Variants in ACTR3C observed in about 807,000 individuals in gnomAD.
ACTR3C encodes the protein actin-related protein 3C.
ACTR3C carries 18 observed loss-of-function variants against 26.3 expected under a neutral mutation model. The ratio of observed to expected loss-of-function variants is 0.68; its 90% CI spans 0.47 to 1.01. The LOEUF is 1.01. ACTR3C is among the 50% of genes least tolerant of loss of function. The pLI, the probability that ACTR3C is intolerant of heterozygous loss-of-function variation, is 0.00. For synonymous variants in ACTR3C, 55 were observed against 94.5 expected (o/e 0.58, Z 2.42); for missense variants, 184 against 250.7 (o/e 0.73, Z 1.80).
the ACTR3C span, among the ~76,000 whole-genome samples, chr7:150,100,723 G>C: frequency 1.5e-5 from 2 of 133,260 alleles, no homozygotes; most frequent in Admixed American, 7.7e-5. Context: ...CTTTCTTTGA[G>C]ATGGGGGCCT....
At chr7:149,918,512 G>T in the ACTR3C span, among the ~76,000 whole-genome samples, 2 of 152,240 alleles carry the variant, frequency 1.3e-5, no homozygotes, top group African/African-American at 2.4e-5. Flanking sequence ...CCAACAGGGA[G>T]AAACCCCATC....
the ACTR3C span, among the ~76,000 whole-genome samples, chr7:150,049,203 C>A: frequency 6.6e-6 from 1 of 152,102 alleles, no homozygotes; most frequent in Non-Finnish European, 1.5e-5. Context: ...GGCCTGGCTT[C>A]TCTTCCCCTC....
At chr7:149,982,890 A>C in the ACTR3C span, among the ~76,000 whole-genome samples, 29 of 152,208 alleles carry the variant, frequency 1.9e-4, no homozygotes, top group African/African-American at 6.8e-4. Context: ...CTCTTGCCTA[A>C]TTGCCCTGGC....
At chr7:149,996,200 G>A in the ACTR3C span, among the ~76,000 whole-genome samples, 52 of 152,122 alleles carry the variant, frequency 3.4e-4, no homozygotes, top group African/African-American at 1.0e-3. Flanking sequence ...GTCTTGCCCC[G>A]AGTGTGGCTC....
chr7:150,044,359 T>C, the ACTR3C span, among the ~76,000 whole-genome samples: 32 of 152,296 alleles, frequency 2.1e-4, no homozygotes, highest in African/African-American at 6.0e-4. Context: ...AGAAGGGCTA[T>C]TGATTCCTCA....
chr7:150,012,232 A>T, the ACTR3C span, among the ~76,000 whole-genome samples: 2 of 151,314 alleles, frequency 1.3e-5, no homozygotes, highest in African/African-American at 4.9e-5. Flanking sequence ...TCCCTTTCTT[A>T]CTCTAGGGAT....
At chr7:150,012,369 C>CA in the ACTR3C span, among the ~76,000 whole-genome samples, 3 of 147,392 alleles carry the variant, frequency 2.0e-5, no homozygotes, top group Non-Finnish European at 4.4e-5. Context: ...GGCTGGAGTG[C>CA]AGTGGTGCGA....
chr7:150,064,649 T>TACACACACACACACAC, the ACTR3C span, among the ~76,000 whole-genome samples: 118 of 145,232 alleles, frequency 8.1e-4, no homozygotes, highest in African/African-American at 2.7e-3. Context: ...TATTTTCACA[T>TACACACACACACACAC]ACACACACAC....
the ACTR3C span, among the ~76,000 whole-genome samples, chr7:150,232,898 C>T: frequency 6.6e-6 from 1 of 151,976 alleles, no homozygotes. Context: ...TCTAACTCCA[C>T]CTTTAAATGA....
At chr7:150,046,299 T>C in the ACTR3C span, among the ~76,000 whole-genome samples, 4 of 138,352 alleles carry the variant, frequency 2.9e-5, no homozygotes, top group Non-Finnish European at 6.1e-5. Context: ...GATTTCATAG[T>C]ATCTGGCAAT....
the ACTR3C span, among the ~76,000 whole-genome samples, chr7:150,024,080 A>T: frequency 0.95 from 142,949 of 150,604 alleles, 68,095 homozygotes; most frequent in East Asian, 1. Flanking sequence ...GAAGGCCATG[A>T]CGGTGCCTGA....
chr7:149,912,648 GCCTGCCACCACAC>G, the ACTR3C span, among the ~76,000 whole-genome samples: 1 of 151,804 alleles, frequency 6.6e-6, no homozygotes, highest in South Asian at 2.1e-4. Context: ...AATTACAGGC[GCCTGCCACCACAC>G]CCGGCTAATT....
the ACTR3C span, among the ~76,000 whole-genome samples, chr7:149,991,210 G>A: frequency 6.6e-6 from 1 of 152,142 alleles, no homozygotes; most frequent in Non-Finnish European, 1.5e-5. Flanking sequence ...TCATTCTCAA[G>A]AGAACAACAC....
chr7:150,323,249 G>A (rs1797745621), intron 1 of ACTR3C: 2 of 236,862 alleles, frequency 8.4e-6, no homozygotes, highest in African/African-American at 2.4e-5. Context: ...CGGGGGGTGC[G>A]CGCGAAGACC....
chr7:150,149,213 C>T, the ACTR3C span, among the ~76,000 whole-genome samples: 2 of 150,236 alleles, frequency 1.3e-5, no homozygotes, highest in African/African-American at 4.9e-5. Flanking sequence ...CTTTTCCTCA[C>T]TGATTTGTAG....
At chr7:150,245,222 A>AT (rs1832399873), downstream of ACTR3C, 1 of 152,288 alleles carries the variant, frequency 6.6e-6, no homozygotes, top group South Asian at 2.1e-4. Context: ...TGCATAGAAG[A>AT]TAATTTGCCC....
the ACTR3C span, among the ~76,000 whole-genome samples, chr7:150,159,179 T>TG: frequency 1.3e-5 from 1 of 79,320 alleles, no homozygotes; most frequent in African/African-American, 6.0e-5. Context: ...TTAACAAAGC[T>TG]GGAAAAAAAT....
At chr7:150,074,392 G>A in the ACTR3C span, 218 of 152,192 alleles carry the variant, frequency 1.4e-3, 1 homozygote, top group Middle Eastern at 6.8e-3. Flanking sequence ...AAGCTTCCAG[G>A]TGTTCTTTGC....
At chr7:150,290,449 C>T (rs913376824) in intron 3 of ACTR3C, among the ~76,000 whole-genome samples, 2 of 152,120 alleles carry the variant, frequency 1.3e-5, no homozygotes, top group Non-Finnish European at 2.9e-5. Context: ...GGATGCTGAC[C>T]GTCAGAGTGG....
Sources: allele counts gnomAD v4.1 joint callset (sites outside exome capture counted in the v4.1 genomes callset), GRCh38; gene constraint gnomAD v4.1.1; transcripts MANE v1.5; gene names NCBI Gene and HGNC (gene_info 2026-07-23, HGNC 2026-07-21).